Variants in KLHL13 observed in about 807,000 individuals in gnomAD.
KLHL13 encodes kelch like family member 13, also known as kelch-like protein 13.
A neutral mutation model predicts 37.1 loss-of-function variants in KLHL13; 10 were observed. The ratio of observed to expected loss-of-function variants is 0.27; its 90% CI spans 0.17 to 0.46. KLHL13 has a LOEUF of 0.46. Ranked by LOEUF, KLHL13 falls within the 20% of genes least tolerant of loss-of-function variation. KLHL13 has a pLI of 1.00. For missense variants in KLHL13, 360 were observed against 509.3 expected, an observed-to-expected ratio of 0.71 and a Z score of 2.82; for synonymous variants, 163 against 181.2, an observed-to-expected ratio of 0.90 and a Z score of 0.81.
intron 1 of KLHL13, among the ~76,000 whole-genome samples, chrX:118,079,329 T>C (rs1230514788): frequency 9.1e-6 from 1 of 110,241 alleles, no homozygotes; most frequent in Non-Finnish European, 1.9e-5. Flanking sequence ...GGTAACCAAA[T>C]AGGAAAAAAA....
At chrX:117,953,475 G>A (rs1430123824) in intron 1 of KLHL13, among the ~76,000 whole-genome samples, 1 of 110,992 alleles carries the variant, frequency 9.0e-6, no homozygotes, top group East Asian at 2.8e-4. Flanking sequence ...AATGGGTGCA[G>A]TGCACCAGCA....
chrX:118,061,423 A>G (rs2054740277), intron 1 of KLHL13, among the ~76,000 whole-genome samples: 1 of 111,162 alleles, frequency 9.0e-6, no homozygotes, highest in Admixed American at 9.6e-5. Context: ...TTAACACAAT[A>G]AACACCAGGA....
chrX:118,051,177 G>C (rs1338909358), intron 1 of KLHL13, among the ~76,000 whole-genome samples: 2 of 108,436 alleles, frequency 1.8e-5, no homozygotes, highest in African/African-American at 6.7e-5. Context: ...CTACCTGAGA[G>C]CAGCAAAGTT....
intron 1 of KLHL13, chrX:117,947,003 T>A (rs1270544294): frequency 8.9e-6 from 1 of 112,057 alleles, no homozygotes; most frequent in African/African-American, 3.2e-5. Context: ...TTAATTCAAT[T>A]CTGATAGATA....
chrX:117,908,402 A>C (rs5955986), intron 5 of KLHL13, among the ~76,000 whole-genome samples: 330 of 107,382 alleles, frequency 3.1e-3, no homozygotes, highest in Non-Finnish European at 5.1e-3. Flanking sequence ...TAGCCCCCCA[A>C]CCCCAGACAG....
intron 5 of KLHL13, among the ~76,000 whole-genome samples, chrX:117,909,038 TC>T (rs1489910908): frequency 8.9e-6 from 1 of 111,905 alleles, no homozygotes; most frequent in African/African-American, 3.2e-5. Context: ...AGATGAACCT[TC>T]AAGATGAAGA....
chrX:118,034,494 G>A (rs1252300025), intron 1 of KLHL13, among the ~76,000 whole-genome samples: 1 of 98,092 alleles, frequency 1.0e-5, no homozygotes, highest in Non-Finnish European at 2.0e-5. Flanking sequence ...AATGACTACT[G>A]GGTACATAAT....
chrX:118,086,823 T>TA lies in KLHL13; in HGVS notation c.-56+29684dup, dbSNP rs2055059316. ...ATGTGTGTTAGATGCCTTTATAATT[T>TA]AAAAAAATAGAAAGCATATGAAATA... On this transcript the variant is annotated intron_variant, in intron 1 of 6. Coordinates refer to the KLHL13 transcript ENST00000371882. Among the ~76,000 whole-genome samples, 4 of 111,378 alleles carry TA rather than the reference T, an allele frequency of 3.6e-5. No homozygotes were observed. In the East Asian group the frequency reaches 1.1e-3, roughly 31 times the overall value.
At chrX:117,945,464 G>A (rs191832484) in exon 2 of KLHL13, 2 of 1,208,492 alleles carry the variant, frequency 1.7e-6, no homozygotes, top group East Asian at 3.0e-5. Flanking sequence ...GGGTATTGCT[G>A]GTAAAGATGC....
intron 1 of KLHL13, among the ~76,000 whole-genome samples, chrX:118,093,551 G>A (rs1208925589): frequency 8.9e-6 from 1 of 111,787 alleles, no homozygotes; most frequent in Non-Finnish European, 1.9e-5. Flanking sequence ...CAGGATGTGT[G>A]CTGATGTATA....
At chrX:117,957,478 A>C (rs2497858) in intron 1 of KLHL13, among the ~76,000 whole-genome samples, 29,675 of 111,182 alleles carry the variant, frequency 0.27, 6,686 homozygotes, top group African/African-American at 0.76. Flanking sequence ...TACAAACTAC[A>C]AATTGTTTTG....
intron 1 of KLHL13, among the ~76,000 whole-genome samples, chrX:117,960,967 T>G (rs1408417534): frequency 8.9e-6 from 1 of 112,062 alleles, no homozygotes; most frequent in African/African-American, 3.2e-5. Flanking sequence ...ATAAGAGACT[T>G]GGGCTATGTG....
chrX:118,022,430 G>A (rs910360124), intron 1 of KLHL13, among the ~76,000 whole-genome samples: 4 of 111,304 alleles, frequency 3.6e-5, no homozygotes, highest in Non-Finnish European at 5.7e-5. Context: ...TTACCATAAT[G>A]GCTGTATCAT....
At chrX:118,114,288 G>C (rs1458870285) in intron 1 of KLHL13, among the ~76,000 whole-genome samples, 1 of 112,274 alleles carries the variant, frequency 8.9e-6, no homozygotes, top group African/African-American at 3.2e-5. Flanking sequence ...CAATAAGTAA[G>C]TGCAGTTACA....
chrX:118,090,037 T>C (rs1175482203), intron 1 of KLHL13, among the ~76,000 whole-genome samples: 7 of 98,645 alleles, frequency 7.1e-5, no homozygotes, highest in African/African-American at 2.7e-4. Context: ...GCCGAGATCA[T>C]GCCACTTCAC....
intron 1 of KLHL13, among the ~76,000 whole-genome samples, chrX:118,110,395 T>G (rs1335381004): frequency 9.9e-6 from 1 of 100,916 alleles, no homozygotes; most frequent in Admixed American, 1.1e-4. Context: ...TTTTTTTTTT[T>G]TTGAAACTGA....
intron 2 of KLHL13, among the ~76,000 whole-genome samples, chrX:117,923,811 T>C (rs1338281689): frequency 8.9e-6 from 1 of 111,782 alleles, no homozygotes; most frequent in Non-Finnish European, 1.9e-5. Context: ...CGGGAGCTTT[T>C]ATTCTTTTCA....
chrX:118,036,581 C>T (rs1199574758), intron 1 of KLHL13, among the ~76,000 whole-genome samples: 1 of 111,722 alleles, frequency 9.0e-6, no homozygotes, highest in Non-Finnish European at 1.9e-5. Context: ...ATACCTTATA[C>T]AAAAATCAAT....
At chrX:117,927,746 TA>T (rs1183719388) in intron 2 of KLHL13, among the ~76,000 whole-genome samples, 1 of 112,034 alleles carries the variant, frequency 8.9e-6, no homozygotes, top group Non-Finnish European at 1.9e-5. Flanking sequence ...ACAGATCATA[TA>T]ATGTCATTTA....
Sources: allele counts gnomAD v4.1 joint callset (sites outside exome capture counted in the v4.1 genomes callset), GRCh38; gene constraint gnomAD v4.1.1; transcripts MANE v1.5; gene names NCBI Gene and HGNC (gene_info 2026-07-23, HGNC 2026-07-21).